DNAJC1: variants seen among roughly 807,000 people sequenced by gnomAD.
DNAJC1 encodes DnaJ heat shock protein family (Hsp40) member C1.
A neutral mutation model predicts 76.6 loss-of-function variants in DNAJC1; 58 were observed. That is an observed-to-expected ratio of 0.76 (90% CI 0.61 to 0.94). The LOEUF (loss-of-function observed/expected upper bound fraction) is 0.94, where lower values mean the gene tolerates loss of function less well. Among genes scored for constraint, DNAJC1 ranks in the 40% least tolerant of loss-of-function variants. The pLI, the probability that DNAJC1 is intolerant of heterozygous loss-of-function variation, is 0.00. For missense variants in DNAJC1, 689 were observed against 677.3 expected (o/e 1.02, Z -0.19); for synonymous variants, 258 against 267.9 (o/e 0.96, Z 0.36).
chr10:21,759,660 G>T, intron 10 of DNAJC1, 42 bp from the exon 11 acceptor site: 2 of 1,575,698 alleles, frequency 1.3e-6, no homozygotes, highest in South Asian at 1.2e-5. Context: ...AGGGCAAGGT[G>T]AATTAAGGAG....
At chr10:21,971,424 T>C (rs1393879765) in intron 1 of DNAJC1, among the ~76,000 whole-genome samples, 3 of 151,850 alleles carry the variant, frequency 2.0e-5, no homozygotes, top group East Asian at 1.9e-4. Context: ...TTGTTATGTA[T>C]TTATAATGAC....
At chr10:21,840,885 G>A (rs532276833) in intron 8 of DNAJC1, among the ~76,000 whole-genome samples, 2 of 152,234 alleles carry the variant, frequency 1.3e-5, no homozygotes, top group South Asian at 4.2e-4. Flanking sequence ...AAACAGCATG[G>A]TACTGGTACC....
At chr10:21,792,582 C>A (rs572168216) in intron 9 of DNAJC1, among the ~76,000 whole-genome samples, 2 of 151,944 alleles carry the variant, frequency 1.3e-5, no homozygotes, top group African/African-American at 2.4e-5. Context: ...CATGGTGAAA[C>A]CCTGTCTCTA....
chr10:21,918,152 G>A (rs1180873095), intron 6 of DNAJC1, among the ~76,000 whole-genome samples: 1 of 151,584 alleles, frequency 6.6e-6, no homozygotes, highest in Non-Finnish European at 1.5e-5. Context: ...AATTAACAAA[G>A]CAATAATTTA....
At chr10:21,834,549 G>A (rs1011845673) in intron 8 of DNAJC1, among the ~76,000 whole-genome samples, 2 of 152,230 alleles carry the variant, frequency 1.3e-5, no homozygotes, top group African/African-American at 2.4e-5. Context: ...AGCCCAAGGG[G>A]TCAGGGAATT....
intron 1 of DNAJC1, among the ~76,000 whole-genome samples, chr10:21,988,913 C>T (rs996077944): frequency 3.9e-5 from 6 of 152,118 alleles, no homozygotes; most frequent in African/African-American, 1.2e-4. Flanking sequence ...AATAGTTTCA[C>T]GACAGTTCAG....
intron 9 of DNAJC1, among the ~76,000 whole-genome samples, chr10:21,801,356 T>C (rs779879707): frequency 4.5e-4 from 68 of 152,044 alleles, no homozygotes; most frequent in Non-Finnish European, 7.9e-4. Context: ...AAAGAAGACA[T>C]ACATGCAGCC....
intron 9 of DNAJC1, among the ~76,000 whole-genome samples, chr10:21,780,169 C>T (rs932281295): frequency 2.6e-5 from 4 of 152,218 alleles, no homozygotes; most frequent in Non-Finnish European, 5.9e-5. Flanking sequence ...GGAAAACACT[C>T]TTCAGGATTT....
At chr10:21,957,437 A>G (rs973372636) in intron 1 of DNAJC1, among the ~76,000 whole-genome samples, 4 of 152,290 alleles carry the variant, frequency 2.6e-5, no homozygotes, top group Admixed American at 6.5e-5. Flanking sequence ...GTCAGTATAT[A>G]TAAAAGTTTC....
chr10:21,992,351 G>C (rs1424787790), intron 1 of DNAJC1, among the ~76,000 whole-genome samples: 2 of 152,020 alleles, frequency 1.3e-5, no homozygotes, highest in Non-Finnish European at 2.9e-5. Flanking sequence ...CTCCATGTTG[G>C]AATAATATTT....
Position 21,859,671 on chromosome 10 carries a change from C to G in DNAJC1, c.978+22611G>C, listed in dbSNP as rs116062534. On this transcript the variant is annotated intron_variant, in intron 8 of 11. Transcript: ENST00000376980. Reference sequence around the variant, plus strand: ...CAGACATACTAGCTCTGTCTATGGTCATTCACTGCCATGACATTTTACATC... The same window carrying G: ...CAGACATACTAGCTCTGTCTATGGTGATTCACTGCCATGACATTTTACATC... 4.3e-3 allele frequency among the ~76,000 whole-genome samples: 657 copies of G among 152,202 alleles called. 3 individuals carry two copies. Among genetic ancestry groups the G allele is most frequent in the African/African-American group, 0.015 (625 of 41,518 alleles).
chr10:21,758,187 T>G (rs763512676), intron 11 of DNAJC1, among the ~76,000 whole-genome samples: 4 of 151,996 alleles, frequency 2.6e-5, no homozygotes, highest in Non-Finnish European at 5.9e-5. Context: ...ATGAGCTGGA[T>G]TTTCCAACAT....
intron 10 of DNAJC1, among the ~76,000 whole-genome samples, chr10:21,763,326 A>AT (rs1167482609): frequency 6.6e-6 from 1 of 152,226 alleles, no homozygotes; most frequent in Non-Finnish European, 1.5e-5. Flanking sequence ...TTGTAAAAAC[A>AT]TTTTAATATA....
chr10:21,835,711 G>C (rs540511957), intron 8 of DNAJC1, among the ~76,000 whole-genome samples: 9 of 152,302 alleles, frequency 5.9e-5, no homozygotes, highest in Non-Finnish European at 1.3e-4. Context: ...CGATCAACTG[G>C]AAGAAAGGGT....
At chr10:21,781,908 G>C in intron 9 of DNAJC1, among the ~76,000 whole-genome samples, 1 of 151,978 alleles carries the variant, frequency 6.6e-6, no homozygotes, top group East Asian at 1.9e-4. Context: ...AGTGAGTAGA[G>C]GGAAATTTAT....
In DNAJC1 at chr10:21,997,250, T is replaced by C. The variant is rs184009122; in HGVS notation, c.222+5963A>G. On this transcript the variant is annotated intron_variant, in intron 1 of 11. Transcript: ENST00000376980. ...TTAGGGAGGCCCCATTAACTGGTTT[T>C]TCCCATCCAAAAAACTGAGTGGACA... 2.2e-4 allele frequency among the ~76,000 whole-genome samples: 33 copies of C among 152,286 alleles called. 1 individual carries two copies. Among genetic ancestry groups the C allele is most frequent in the Admixed American group, 2.0e-3 (31 of 15,296 alleles).
At chr10:21,861,948 C>T (rs180677941) in intron 8 of DNAJC1, among the ~76,000 whole-genome samples, 1,814 of 151,842 alleles carry the variant, frequency 0.012, 16 homozygotes, top group Non-Finnish European at 0.019. Context: ...GATGGAGTTT[C>T]CCTCTTGTTG....
At chr10:21,989,180 G>C (rs986773678) in intron 1 of DNAJC1, among the ~76,000 whole-genome samples, 1 of 152,076 alleles carries the variant, frequency 6.6e-6, no homozygotes, top group Non-Finnish European at 1.5e-5. Flanking sequence ...AGTTCTGGAT[G>C]ATAAGTGGCA....
chr10:21,832,585 T>C lies in DNAJC1; in HGVS notation c.979-26486A>G, dbSNP rs79529304. Among the ~76,000 whole-genome samples, 494 of 152,312 alleles carry C rather than the reference T, an allele frequency of 3.2e-3. 2 individuals carry two copies. Among genetic ancestry groups the C allele is most frequent in the African/African-American group, 4.9e-3 (205 of 41,564 alleles). On this transcript the variant is annotated intron_variant, in intron 8 of 11. Coordinates refer to ENST00000376980, the MANE Select transcript of DNAJC1 (RefSeq NM_022365.4). ...CATTTTTACTTCTTCCTCCTCCTTA[T>C]TGCATTATCCAATCAACTGATTTCT... is the stretch of plus-strand genomic sequence containing the variant.
Sources: gnomAD v4.1 joint callset for allele counts (sites outside exome capture counted in the v4.1 genomes callset) on GRCh38, gnomAD v4.1.1 for gene constraint, MANE v1.5 for transcripts, NCBI Gene and HGNC (gene_info 2026-07-23, HGNC 2026-07-21) for gene names.